The following GRB2 variants were observed in gnomAD, a reference collection of about 807,000 sequenced individuals.
The protein encoded by GRB2 is growth factor receptor-bound protein 2.
Under a neutral mutation model 27.4 loss-of-function variants are expected in GRB2, and 2 were observed. That is an observed-to-expected ratio of 0.07 (90% CI 0.03 to 0.23). The LOEUF is 0.23. Ranked by LOEUF, GRB2 falls within the 10% of genes least tolerant of loss-of-function variation. The probability of loss-of-function intolerance (pLI) is 1.00; values close to 1 mark genes in which losing one functional copy is unlikely to be tolerated. For synonymous variants in GRB2, 94 were observed against 99.6 expected (o/e 0.94, Z 0.33); for missense variants, 102 against 282.4 (o/e 0.36, Z 4.58).
At chr17:75,323,966 C>CG (rs2078478423) in intron 4 of GRB2, among the ~76,000 whole-genome samples, 1 of 151,928 alleles carries the variant, frequency 6.6e-6, no homozygotes, top group Non-Finnish European at 1.5e-5. Context: ...TGTGCCACCA[C>CG]GCCTGGCTAA....
chr17:75,390,971 C>T (rs1413508065), intron 2 of GRB2, among the ~76,000 whole-genome samples: 1 of 152,164 alleles, frequency 6.6e-6, no homozygotes, highest in Non-Finnish European at 1.5e-5. Context: ...ACCCTCAAGA[C>T]GTCCCAAATC....
intron 2 of GRB2, among the ~76,000 whole-genome samples, chr17:75,377,409 C>A (rs1175661639): frequency 6.6e-6 from 1 of 150,802 alleles, no homozygotes; most frequent in African/African-American, 2.4e-5. Flanking sequence ...CTGCTTGAGG[C>A]CATGAGTTCG....
At chr17:75,330,575 G>T (rs2078533321) in intron 3 of GRB2, among the ~76,000 whole-genome samples, 1 of 152,074 alleles carries the variant, frequency 6.6e-6, no homozygotes, top group Non-Finnish European at 1.5e-5. Flanking sequence ...TCGGCAGGCT[G>T]AGGCACAAGA....
intron 2 of GRB2, among the ~76,000 whole-genome samples, chr17:75,383,671 G>A (rs1185977195): frequency 2.0e-5 from 3 of 151,986 alleles, no homozygotes; most frequent in Non-Finnish European, 4.4e-5. Context: ...GTGAAAGCCC[G>A]TCTCTACTAA....
intron 2 of GRB2, among the ~76,000 whole-genome samples, chr17:75,377,600 A>G (rs917646070): frequency 1.3e-4 from 4 of 30,022 alleles, no homozygotes; most frequent in Admixed American, 6.9e-4. Context: ...TGTCTCAGAA[A>G]AAAAAAAAAA....
At chr17:75,404,658 G>A (rs1377935149) in intron 1 of GRB2, among the ~76,000 whole-genome samples, 40 of 152,042 alleles carry the variant, frequency 2.6e-4, no homozygotes, top group Admixed American at 2.6e-3. Context: ...AGAAAGAGGA[G>A]TAAGAAAGCC....
At chr17:75,391,807 CAAA>C (rs60382091) in intron 2 of GRB2, among the ~76,000 whole-genome samples, 1 of 121,840 alleles carries the variant, frequency 8.2e-6, no homozygotes, top group African/African-American at 4.1e-5. Flanking sequence ...GACTCCATCT[CAAA>C]AAAAAAAAAA....
chr17:75,338,872 G>A (rs1308270104), intron 2 of GRB2: 3 of 792,410 alleles, frequency 3.8e-6, no homozygotes, highest in African/African-American at 1.7e-5. Context: ...TAAGAAGTGT[G>A]GCAAGCATCA....
At position 75,388,204 on chromosome 17, in the gene GRB2, C is replaced by T. The variant is rs941382780; in HGVS notation, c.78+5347G>A. ...CTCCACATCCCGGGTTCAAGCGATT[C>T]TCCTCCCTCAGCCTCCCGAGTAGCT... On this transcript the variant is annotated intron_variant, in intron 2 of 5. Coordinates refer to ENST00000316804, the MANE Select transcript of GRB2 (RefSeq NM_002086.5). Among the ~76,000 whole-genome samples, 33 of 152,200 alleles carry T rather than the reference C, an allele frequency of 2.2e-4. 1 individual carries two copies. The highest frequency in any genetic ancestry group is 5.9e-4 in the Admixed American group (9 of 15,294).
At chr17:75,366,865 A>G (rs1438306989) in intron 2 of GRB2, among the ~76,000 whole-genome samples, 1 of 152,146 alleles carries the variant, frequency 6.6e-6, no homozygotes, top group East Asian at 1.9e-4. Flanking sequence ...AAGCCAATGA[A>G]AACGAAAAAT....
chr17:75,393,466 G>A (rs2079010635), intron 2 of GRB2, 85 bp downstream of exon 2: 1 of 1,023,330 alleles, frequency 9.8e-7, no homozygotes, highest in Non-Finnish European at 1.6e-6. Context: ...GAAAAACACA[G>A]CTTCTTTGTG....
At chr17:75,337,572 A>ATT (rs5822084) in intron 2 of GRB2, among the ~76,000 whole-genome samples, 16 of 130,924 alleles carry the variant, frequency 1.2e-4, no homozygotes, top group African/African-American at 3.8e-4. Flanking sequence ...TACTGTTACT[A>ATT]TTTTTTTTTT....
chr17:75,350,610 A>G (rs1298171579), intron 2 of GRB2, among the ~76,000 whole-genome samples: 1 of 151,966 alleles, frequency 6.6e-6, no homozygotes, highest in East Asian at 1.9e-4. Context: ...TCCTGCCTCA[A>G]CCTCCCAAAT....
chr17:75,339,311 A>G (rs1304386744), intron 2 of GRB2, among the ~76,000 whole-genome samples: 1 of 148,978 alleles, frequency 6.7e-6, no homozygotes, highest in Admixed American at 6.8e-5. Flanking sequence ...CTCCTGCCTC[A>G]GCCTCCTGAG....
rs982105448 is a variant in GRB2 at position 75,318,115 on chromosome 17, C to A, written c.*2253G>T. 3.3e-5 allele frequency: 5 copies of A among 152,626 alleles called. No homozygotes were observed. The highest frequency in any genetic ancestry group is 9.6e-5 in the African/African-American group (4 of 41,456). The allele number at this position is 152,626 out of a possible 1,614,324, so 9.5% of individuals were successfully genotyped here. ...TGTATTTATTATTCACAGTTAATCACTACCTACCAAATGCTATCCGCAGAG... is the reference window on the plus strand; with the variant it reads ...TGTATTTATTATTCACAGTTAATCAATACCTACCAAATGCTATCCGCAGAG... On this transcript the variant is annotated 3_prime_UTR_variant, in exon 6 of 6. Coordinates refer to ENST00000316804, the MANE Select transcript of GRB2 (RefSeq NM_002086.5).
chr17:75,393,690 G>A lies in GRB2; in HGVS notation c.-62C>T, dbSNP rs554324691. 1.5e-6 allele frequency: 2 copies of A among 1,324,070 alleles called. No homozygotes were observed. The highest frequency in any genetic ancestry group is 2.3e-5 in the East Asian group (1 of 43,514). The allele number at this position is 1,324,070 out of a possible 1,614,324, so 82.0% of individuals were successfully genotyped here. ...GGGGAAGGGAGTCTTCCCTGCTGAA[G>A]CAACCCAGCGCTCTGGGCTTAGCCT... is the stretch of plus-strand genomic sequence containing the variant. On this transcript the variant is annotated 5_prime_UTR_variant, in exon 2 of 6. Transcript: ENST00000316804.
intron 4 of GRB2, among the ~76,000 whole-genome samples, chr17:75,323,975 A>G (rs2145819084): frequency 6.7e-6 from 1 of 148,448 alleles, no homozygotes; most frequent in East Asian, 2.0e-4. Context: ...ACGCCTGGCT[A>G]ATTTTTGTAT....
intron 2 of GRB2, among the ~76,000 whole-genome samples, chr17:75,343,017 T>C (rs1310056173): frequency 9.0e-6 from 1 of 111,444 alleles, no homozygotes; most frequent in African/African-American, 3.3e-5. Flanking sequence ...ACCATTGCAC[T>C]CCGGCCTGGG....
chr17:75,382,945 G>A (rs1227229125), intron 2 of GRB2, among the ~76,000 whole-genome samples: 5 of 152,094 alleles, frequency 3.3e-5, no homozygotes, highest in South Asian at 2.1e-4. Flanking sequence ...TCCTGACCTC[G>A]TGATCCGCCT....
Sources: allele counts gnomAD v4.1 joint callset (sites outside exome capture counted in the v4.1 genomes callset), GRCh38; gene constraint gnomAD v4.1.1; transcripts MANE v1.5; gene names NCBI Gene and HGNC (gene_info 2026-07-23, HGNC 2026-07-21).